Variants in PCDH15 observed in about 807,000 individuals in gnomAD.
PCDH15 encodes protocadherin related 15, also known as protocadherin-15.
PCDH15 carries 129 observed loss-of-function variants against 178.5 expected under a neutral mutation model. That is an observed-to-expected ratio of 0.72 (90% confidence interval 0.63 to 0.84). PCDH15 has a LOEUF of 0.84. PCDH15 is among the 40% of genes least tolerant of loss of function. The pLI is 0.00. For missense variants in PCDH15, 2,230 were observed against 2,099.9 expected, an observed-to-expected ratio of 1.06 and a Z score of -1.21; for synonymous variants, 800 against 732.0, an observed-to-expected ratio of 1.09 and a Z score of -1.50.
intron 1 of PCDH15, among the ~76,000 whole-genome samples, chr10:55,219,436 C>T (rs1030695781): frequency 8.6e-5 from 13 of 151,834 alleles, no homozygotes; most frequent in Non-Finnish European, 1.8e-4. Context: ...TATTTATGGT[C>T]AGATATATGT....
In PCDH15 at chr10:54,471,388, C is replaced by T. The variant is rs545200366; in HGVS notation, c.157+56424G>A. The stretch of plus-strand genomic sequence containing the variant: ...CAGTCAGCTGTATTTTTTCTAAAAA[C>T]GCTTCTCAGGCTATCCAAACCTAAA... On this transcript the variant is annotated intron_variant, in intron 3 of 37. Transcript: ENST00000644397. Among the ~76,000 whole-genome samples the T allele has an allele frequency of 4.6e-5, 7 of 152,196 alleles. No homozygotes were observed. The East Asian group carries it at 1.2e-3, about 25-fold the overall frequency.
chr10:55,582,355 G>A (rs1019026552), intron 2 of PCDH15, among the ~76,000 whole-genome samples: 2 of 151,860 alleles, frequency 1.3e-5, no homozygotes, highest in East Asian at 1.9e-4. Flanking sequence ...TCCTAGGATC[G>A]CCTTCCCCAA....
chr10:55,352,595 G>A (rs893670832), intron 2 of PCDH15, among the ~76,000 whole-genome samples: 5 of 152,130 alleles, frequency 3.3e-5, no homozygotes, highest in African/African-American at 1.2e-4. Flanking sequence ...AGAATTTGAA[G>A]CAAATAGAAA....
intron 2 of PCDH15, among the ~76,000 whole-genome samples, chr10:54,596,186 G>GA (rs1277110049): frequency 2.0e-5 from 3 of 151,980 alleles, no homozygotes; most frequent in Non-Finnish European, 2.9e-5. Context: ...CAAAATGAAA[G>GA]AAAAAAATGT....
In PCDH15 at chr10:54,449,954, CTA is replaced by C. The variant is rs2076364937; in HGVS notation, c.158-71014_158-71013del. Reference sequence around the variant, plus strand: ...CCTCTTGCTGTTGACTTAAGGAAAACTATGCACTGTATCATCAGTATAGAGAG... The same window carrying C: ...CCTCTTGCTGTTGACTTAAGGAAAACTGCACTGTATCATCAGTATAGAGAG... On this transcript the variant is annotated intron_variant, in intron 3 of 37. Coordinates refer to ENST00000644397, the MANE Select transcript of PCDH15 (RefSeq NM_001384140.1). 4.6e-5 allele frequency among the ~76,000 whole-genome samples: 7 copies of C among 151,602 alleles called. No individual in the cohort carries two copies. The South Asian group carries it at 1.5e-3, about 31-fold the overall frequency.
chr10:54,083,413 T>C (rs1323686308), intron 16 of PCDH15, among the ~76,000 whole-genome samples: 1 of 152,316 alleles, frequency 6.6e-6, no homozygotes, highest in Non-Finnish European at 1.5e-5. Flanking sequence ...AACAAATTGT[T>C]GTATATGCAT....
intron 1 of PCDH15, among the ~76,000 whole-genome samples, chr10:55,182,840 A>G (rs1316733252): frequency 2.0e-5 from 3 of 152,030 alleles, no homozygotes; most frequent in African/African-American, 7.2e-5. Flanking sequence ...ATCATTTAGC[A>G]AGACCTTGTG....
intron 21 of PCDH15, among the ~76,000 whole-genome samples, chr10:53,986,992 C>A (rs2091148420): frequency 6.6e-6 from 1 of 152,046 alleles, no homozygotes; most frequent in Non-Finnish European, 1.5e-5. Context: ...GCTCCTGAGC[C>A]CACACTTTTG....
chr10:54,211,038 G>A (rs1032088303), intron 10 of PCDH15, among the ~76,000 whole-genome samples: 3 of 152,056 alleles, frequency 2.0e-5, no homozygotes, highest in Non-Finnish European at 4.4e-5. Context: ...GATGCCTGAA[G>A]TATAAATATA....
intron 3 of PCDH15, among the ~76,000 whole-genome samples, chr10:54,482,055 C>T (rs1390574370): frequency 1.3e-5 from 2 of 151,678 alleles, no homozygotes; most frequent in Non-Finnish European, 2.9e-5. Context: ...AAAGTGTTTT[C>T]CTAGGAAAAA....
At chr10:55,242,809 C>T (rs1841586993) in intron 1 of PCDH15, among the ~76,000 whole-genome samples, 1 of 152,178 alleles carries the variant, frequency 6.6e-6, no homozygotes, top group African/African-American at 2.4e-5. Context: ...CACTGCACTC[C>T]AGCCTGGGCA....
At chr10:54,217,751 A>G (rs971064316) in intron 9 of PCDH15, among the ~76,000 whole-genome samples, 5 of 152,136 alleles carry the variant, frequency 3.3e-5, no homozygotes, top group Non-Finnish European at 7.4e-5. Context: ...TTGAAATACT[A>G]TTTACCAATA....
intron 2 of PCDH15, among the ~76,000 whole-genome samples, chr10:55,417,345 A>G (rs1838507933): frequency 6.6e-6 from 1 of 151,796 alleles, no homozygotes; most frequent in Non-Finnish European, 1.5e-5. Flanking sequence ...GGAAGAAAGA[A>G]TTCTTTGGGA....
chr10:54,132,539 G>A (rs1190939025), intron 15 of PCDH15, among the ~76,000 whole-genome samples: 4 of 152,166 alleles, frequency 2.6e-5, no homozygotes, highest in Non-Finnish European at 5.9e-5. Context: ...ATACAAGACA[G>A]AAAATAATAG....
chr10:54,696,077 A>G (rs1386850738), intron 1 of PCDH15, among the ~76,000 whole-genome samples: 1 of 152,044 alleles, frequency 6.6e-6, no homozygotes, highest in Non-Finnish European at 1.5e-5. Flanking sequence ...TATAGCTGGC[A>G]TAGGTAGCAA....
At chr10:54,020,464 A>G (rs2135286094) in intron 19 of PCDH15, 48 bp from the exon 20 acceptor site, 1 of 1,563,484 alleles carries the variant, frequency 6.4e-7, no homozygotes, top group Non-Finnish European at 8.8e-7. Flanking sequence ...ACCAAAATAA[A>G]GAAATGCAGG....
chr10:55,164,063 G>T (rs541368114), intron 2 of PCDH15, among the ~76,000 whole-genome samples: 1 of 152,092 alleles, frequency 6.6e-6, no homozygotes, highest in African/African-American at 2.4e-5. Context: ...CAGACCAGAG[G>T]CCTTCCTGTT....
At chr10:54,915,371 A>T (rs575462835) in intron 2 of PCDH15, among the ~76,000 whole-genome samples, 1 of 152,328 alleles carries the variant, frequency 6.6e-6, no homozygotes, top group Admixed American at 6.5e-5. Flanking sequence ...CTTAGAAAAA[A>T]ATCCTCAAAA....
intron 2 of PCDH15, among the ~76,000 whole-genome samples, chr10:55,625,518 G>T (rs1280053973): frequency 1.3e-5 from 2 of 152,132 alleles, no homozygotes; most frequent in Non-Finnish European, 2.9e-5. Context: ...ACAGTATCTT[G>T]TGTGTTAGGA....
Sources: allele counts gnomAD v4.1 joint callset (sites outside exome capture counted in the v4.1 genomes callset), GRCh38; gene constraint gnomAD v4.1.1; transcripts MANE v1.5; gene names NCBI Gene and HGNC (gene_info 2026-07-23, HGNC 2026-07-21).